Variants in CD9 observed in about 807,000 individuals in gnomAD.
CD9 encodes CD9 antigen.
Under a neutral mutation model 31.4 loss-of-function variants are expected in CD9, and 10 were observed. The ratio of observed to expected loss-of-function variants is 0.32; its 90% CI spans 0.20 to 0.54. The LOEUF (loss-of-function observed/expected upper bound fraction) is 0.54, where lower values mean the gene tolerates loss of function less well. Among genes scored for constraint, CD9 ranks in the 20% least tolerant of loss-of-function variants. The pLI is 0.94. For missense variants in CD9, 259 were observed against 300.1 expected (o/e 0.86, Z 1.01); for synonymous variants, 113 against 114.1 (o/e 0.99, Z 0.06).
chr12:6,222,358 C>T (rs1946302653), intron 1 of CD9, among the ~76,000 whole-genome samples: 2 of 152,224 alleles, frequency 1.3e-5, no homozygotes, highest in Non-Finnish European at 2.9e-5. Context: ...CCTCCCTTTT[C>T]TCTGGGTTAC....
chr12:6,214,535 G>T (rs991601752), intron 1 of CD9, among the ~76,000 whole-genome samples: 2 of 151,652 alleles, frequency 1.3e-5, no homozygotes, highest in Admixed American at 6.6e-5. Context: ...TTTTAGTAGA[G>T]ACTGGGTTTT....
chr12:6,218,197 C>T (rs1946260859), intron 1 of CD9, among the ~76,000 whole-genome samples: 1 of 151,108 alleles, frequency 6.6e-6, no homozygotes, highest in African/African-American at 2.4e-5. Flanking sequence ...CACTGCACTC[C>T]AGCCTGGGTG....
chr12:6,202,618 T>A (rs745915362), intron 1 of CD9, among the ~76,000 whole-genome samples: 20 of 152,072 alleles, frequency 1.3e-4, no homozygotes, highest in Non-Finnish European at 2.2e-4. Context: ...GCCACTGGTA[T>A]CTACTCTGTC....
chr12:6,232,925 C>A lies in CD9; in HGVS notation c.273+196C>A. 1 of 702,866 alleles carries A rather than the reference C, an allele frequency of 1.4e-6. No homozygotes were observed. Among genetic ancestry groups the A allele is most frequent in the Non-Finnish European group, 2.6e-6 (1 of 385,108 alleles). 43.5% of individuals were successfully genotyped at this position (702,866 alleles called of 1,614,324 possible). A position where few individuals can be genotyped will look rare whatever the true frequency, so the allele number is the denominator to read the frequency against. On this transcript the variant is annotated intron_variant, in intron 3 of 7. Coordinates refer to ENST00000009180, the MANE Select transcript of CD9 (RefSeq NM_001769.4). This position sits in a 1 kb window ranked among gnomAD's most constrained non-coding sequence, Gnocchi z 4.8. Reference sequence around the variant, plus strand: ...TCTTCCTTTCTGGAGCCTGTCTTATCGCTTCCCCTAGGCAACTAAAAGGAC... The same window carrying A: ...TCTTCCTTTCTGGAGCCTGTCTTATAGCTTCCCCTAGGCAACTAAAAGGAC...
In CD9 at chr12:6,228,576, A is replaced by C. The variant is rs562245708; in HGVS notation, c.175+3042A>C. On this transcript the variant is annotated intron_variant, in intron 2 of 7. Coordinates refer to ENST00000009180, the MANE Select transcript of CD9 (RefSeq NM_001769.4). ...TCCATCTCAAAAAAAAAAAAAAAAA[A>C]AAAAACAGCAGCACAGCACTCTGAG... 5.9e-3 allele frequency among the ~76,000 whole-genome samples: 895 copies of C among 151,556 alleles called. 9 individuals carry two copies. Among genetic ancestry groups the C allele is most frequent in the African/African-American group, 0.02 (825 of 41,224 alleles).
intron 1 of CD9, among the ~76,000 whole-genome samples, chr12:6,207,809 G>A (rs1347097151): frequency 1.3e-5 from 2 of 152,178 alleles, no homozygotes; most frequent in Non-Finnish European, 2.9e-5. Context: ...AGAGAAGTTT[G>A]GGGACTACTG....
intron 7 of CD9, among the ~76,000 whole-genome samples, chr12:6,237,023 GGC>G (rs1946531497): frequency 6.6e-6 from 1 of 152,180 alleles, no homozygotes; most frequent in East Asian, 1.9e-4. Flanking sequence ...TTGTCGCCCA[GGC>G]TGGAGTGCAG....
intron 2 of CD9, among the ~76,000 whole-genome samples, chr12:6,227,444 C>T (rs1046311437): frequency 2.0e-5 from 3 of 152,184 alleles, no homozygotes; most frequent in Admixed American, 6.5e-5. Context: ...GTGATCCTCC[C>T]GTCTTGGCTT....
chr12:6,223,735 G>C (rs1446749287), intron 1 of CD9, among the ~76,000 whole-genome samples: 1 of 152,138 alleles, frequency 6.6e-6, no homozygotes, highest in Non-Finnish European at 1.5e-5. Context: ...CCCCGCCTAA[G>C]CTAACTGCAG....
chr12:6,205,666 G>A (rs1946122862), intron 1 of CD9, among the ~76,000 whole-genome samples: 1 of 152,196 alleles, frequency 6.6e-6, no homozygotes, highest in Non-Finnish European at 1.5e-5. Context: ...TTTATAAGGA[G>A]GCATAGCTTT....
chr12:6,235,959 G>A, intron 6 of CD9: 1 of 1,413,080 alleles, frequency 7.1e-7, no homozygotes. Flanking sequence ...AGCAGGGCCT[G>A]TCCCTCCTCC....
Position 6,237,757 on chromosome 12 carries a change from T to A in CD9, c.622-6T>A, listed in dbSNP as rs1469385214. ...CCTGATCCTCATGTTTCTTCCTATC[T>A]CCTAGATATTTGGCATGATCTTCAG... is the stretch of plus-strand genomic sequence containing the variant. On this transcript the variant is annotated splice_region_variant and splice_polypyrimidine_tract_variant and intron_variant, in intron 7 of 7. Transcript: ENST00000009180. The A allele has an allele frequency of 6.2e-7, 1 of 1,609,736 alleles. No homozygotes were observed. Among genetic ancestry groups the A allele is most frequent in the Admixed American group, 1.7e-5 (1 of 59,966 alleles).
chr12:6,216,838 C>T (rs1946248049), intron 1 of CD9, among the ~76,000 whole-genome samples: 1 of 152,208 alleles, frequency 6.6e-6, no homozygotes. Flanking sequence ...CAGCCGTCCA[C>T]AGAGGGCCCA....
chr12:6,234,768 CAAAT>C (rs1946493741), intron 4 of CD9, among the ~76,000 whole-genome samples: 1 of 152,200 alleles, frequency 6.6e-6, no homozygotes, highest in South Asian at 2.1e-4. Flanking sequence ...TAAATTCTCA[CAAAT>C]AATCTATGAG....
chr12:6,230,610 C>T (rs1946431120), intron 2 of CD9, among the ~76,000 whole-genome samples: 1 of 152,216 alleles, frequency 6.6e-6, no homozygotes, highest in African/African-American at 2.4e-5. Context: ...TGACTTGCCC[C>T]CATTAGATGG....
At chr12:6,234,382 G>C (rs546830128) in intron 4 of CD9, 3 of 151,986 alleles carry the variant, frequency 2.0e-5, no homozygotes, top group Non-Finnish European at 4.4e-5. Flanking sequence ...AAACAGGGAA[G>C]AGTAGAACAA....
At chr12:6,235,920 C>T (rs983535820) in intron 6 of CD9, 1 of 1,390,892 alleles carries the variant, frequency 7.2e-7, no homozygotes, top group Non-Finnish European at 9.3e-7. Flanking sequence ...AAAAGGTGAC[C>T]TTACAACCAT....
At chr12:6,226,395 ACCT>A (rs1691437288) in intron 2 of CD9, 1 of 151,030 alleles carries the variant, frequency 6.6e-6, no homozygotes, top group South Asian at 2.1e-4. Context: ...AACAAAGGAA[ACCT>A]CCTATTTTTA....
At chr12:6,218,336 T>C (rs1015942007) in intron 1 of CD9, among the ~76,000 whole-genome samples, 6 of 152,238 alleles carry the variant, frequency 3.9e-5, no homozygotes, top group African/African-American at 1.4e-4. Context: ...CAAAGGATTT[T>C]TCTTTGCAGT....
Sources: gnomAD v4.1 joint callset for allele counts (sites outside exome capture counted in the v4.1 genomes callset) on GRCh38, gnomAD v4.1.1 for gene constraint, Gnocchi (gnomAD v3.1) non-coding constraint, MANE v1.5 for transcripts, NCBI Gene and HGNC (gene_info 2026-07-23, HGNC 2026-07-21) for gene names.